Variants in BTBD16 observed in about 807,000 individuals in gnomAD.
The protein encoded by BTBD16 is BTB/POZ domain-containing protein 16.
In BTBD16, 66 loss-of-function variants were observed where a neutral mutation model predicts 67.4. The observed-to-expected ratio is 0.98, with a 90% CI of 0.80 to 1.20. BTBD16 has a LOEUF of 1.20. Among genes scored for constraint, BTBD16 ranks in the 50% most tolerant of loss-of-function variants. BTBD16 has a pLI of 0.00. For synonymous variants in BTBD16, 242 were observed against 236.4 expected, an observed-to-expected ratio of 1.02 and a Z score of -0.22; for missense variants, 634 against 616.0, an observed-to-expected ratio of 1.03 and a Z score of -0.31.
At chr10:122,309,987 G>C (rs1425748530) in intron 10 of BTBD16, among the ~76,000 whole-genome samples, 12 of 149,024 alleles carry the variant, frequency 8.1e-5, no homozygotes, top group Admixed American at 8.0e-4. Flanking sequence ...GGCCAGGCTG[G>C]TCTCAAACTC....
chr10:122,312,452 A>G (rs571999361), intron 10 of BTBD16, among the ~76,000 whole-genome samples: 1 of 151,636 alleles, frequency 6.6e-6, no homozygotes, highest in East Asian at 2.0e-4. Flanking sequence ...AGCTGGGACT[A>G]TAGGCATACG....
chr10:122,312,309 C>CTTTTT (rs58045019), intron 10 of BTBD16, among the ~76,000 whole-genome samples: 58 of 105,616 alleles, frequency 5.5e-4, no homozygotes, highest in Non-Finnish European at 9.0e-4. Context: ...TTTTCTTTTT[C>CTTTTT]TTTTTTTTTT....
At chr10:122,335,356 G>A (rs1403193097) in intron 14 of BTBD16, among the ~76,000 whole-genome samples, 1 of 152,224 alleles carries the variant, frequency 6.6e-6, no homozygotes, top group Non-Finnish European at 1.5e-5. Flanking sequence ...AACTGGGAGA[G>A]GGGGTAATTT....
Position 122,331,206 on chromosome 10 carries a change from A to C in BTBD16, c.1034A>C (p.Asn345Thr). The C allele has an allele frequency of 1.2e-6, 2 of 1,613,252 alleles. No individual in the cohort carries two copies. Among genetic ancestry groups the C allele is most frequent in the Non-Finnish European group, 1.7e-6 (2 of 1,179,676 alleles). The change falls in exon 12 of 16, where the codon AAC becomes ACC. Residue 345 changes from asparagine (N) to threonine (T), a missense_variant. Physicochemically the swap from Asn to Thr is moderately conservative, Grantham distance 65. Transcript: ENST00000260723. Reference protein sequence around the residue: ...GKDLEVLRHLNFFPESWLDQV... With the variant: ...GKDLEVLRHLTFFPESWLDQV... The stretch of plus-strand genomic sequence containing the variant: ...GATCTGGAGGTGCTGCGGCACCTTA[A>C]CTTCTTCCCAGAGTCATGGCTCGAC...
At chr10:122,326,697 G>C (rs1481271390) in intron 10 of BTBD16, among the ~76,000 whole-genome samples, 1 of 152,172 alleles carries the variant, frequency 6.6e-6, no homozygotes, top group Non-Finnish European at 1.5e-5. Context: ...TTTGTCCCCA[G>C]GGTCTGGCAA....
rs553124776 is a variant in BTBD16 at position 122,288,455 on chromosome 10, G to C, written c.386-1454G>C. On this transcript the variant is annotated intron_variant, in intron 5 of 15. Transcript: ENST00000260723. Reference sequence around the variant, plus strand: ...CTCTCTCTTTCTTTATAGTTGCACAGGATGATGGGCTTTTTGGCTCTGGCT... The same window carrying C: ...CTCTCTCTTTCTTTATAGTTGCACACGATGATGGGCTTTTTGGCTCTGGCT... Among the ~76,000 whole-genome samples, 16 of 152,318 alleles carry C rather than the reference G, an allele frequency of 1.1e-4. No homozygotes were observed. The East Asian group carries it at 3.1e-3, about 29-fold the overall frequency.
intron 15 of BTBD16, among the ~76,000 whole-genome samples, chr10:122,336,892 C>T (rs2096464168): frequency 6.6e-6 from 1 of 152,108 alleles, no homozygotes; most frequent in Admixed American, 6.5e-5. Context: ...GTAACTATAA[C>T]CCAAATCAGA....
In BTBD16 at chr10:122,326,466, G is replaced by C. The variant is rs75927029; in HGVS notation, c.912-3014G>C. ...CTTGCGCCTGGCTTACTGCTTCCAG[G>C]TTCATCATGCTGTAGCATATATGTA... On this transcript the variant is annotated intron_variant, in intron 10 of 15. Coordinates refer to ENST00000260723, the MANE Select transcript of BTBD16 (RefSeq NM_144587.5). Among the ~76,000 whole-genome samples the C allele has an allele frequency of 1.3e-4, 20 of 152,232 alleles. 1 individual carries two copies. The East Asian group carries it at 3.9e-3, about 29-fold the overall frequency.
In BTBD16 at chr10:122,336,596, G is replaced by A. The variant is rs976874636; in HGVS notation, c.1366G>A (p.Ala456Thr). 6.2e-7 allele frequency: 1 copy of A among 1,613,066 alleles called. No homozygotes were observed. The highest frequency in any genetic ancestry group is 1.1e-5 in the South Asian group (1 of 90,846). The change falls in exon 15 of 16, where the codon GCC becomes ACC. Residue 456 changes from alanine (A) to threonine (T), a missense_variant. Ala to Thr is a moderately conservative substitution (Grantham distance 58, BLOSUM62 0). Transcript: ENST00000260723. The stretch of plus-strand genomic sequence containing the variant: ...GGTGAAGTATGAGATCAGAGCAGAG[G>A]CCCTGGTTGACGGCAAGTGGCAGGA... ...RLVKYEIRAEALVDGKWQEFR... is the reference protein window; with the variant it reads ...RLVKYEIRAETLVDGKWQEFR...
chr10:122,333,286 A>G (rs1176743416), intron 13 of BTBD16, among the ~76,000 whole-genome samples: 1 of 152,124 alleles, frequency 6.6e-6, no homozygotes, highest in African/African-American at 2.4e-5. Flanking sequence ...ACTTCCTGCA[A>G]ATGCTATGAG....
Position 122,326,357 on chromosome 10 carries a change from C to T in BTBD16, c.912-3123C>T, listed in dbSNP as rs561192887. 2.5e-4 allele frequency among the ~76,000 whole-genome samples: 38 copies of T among 152,304 alleles called. No homozygotes were observed. In the South Asian group the frequency reaches 7.3e-3, roughly 29 times the overall value. On this transcript the variant is annotated intron_variant, in intron 10 of 15. Coordinates refer to ENST00000260723, the MANE Select transcript of BTBD16 (RefSeq NM_144587.5). The stretch of plus-strand genomic sequence containing the variant: ...CAACTCCCATTCCCCTTCCCCAGCC[C>T]CTGGCAGCCACCGTTCTACTTTCTG...
chr10:122,314,553 T>C lies in BTBD16; in HGVS notation c.911+7245T>C, dbSNP rs191308165. Among the ~76,000 whole-genome samples the C allele has an allele frequency of 5.2e-3, 798 of 152,288 alleles. 3 individuals are homozygous for C. Among genetic ancestry groups the C allele is most frequent in the Middle Eastern group, 0.02 (6 of 294 alleles). Reference sequence around the variant, plus strand: ...AATTTCTCTCAATAAAATTTAATAGTTTATTGTATGGAGGTCTTGCTCATC... The same window carrying C: ...AATTTCTCTCAATAAAATTTAATAGCTTATTGTATGGAGGTCTTGCTCATC... On this transcript the variant is annotated intron_variant, in intron 10 of 15. Transcript: ENST00000260723.
intron 10 of BTBD16, among the ~76,000 whole-genome samples, chr10:122,327,099 T>C (rs975651857): frequency 1.3e-5 from 2 of 152,182 alleles, no homozygotes; most frequent in Admixed American, 6.5e-5. Context: ...CTGAGTGGCC[T>C]GTGTAGGACA....
intron 10 of BTBD16, among the ~76,000 whole-genome samples, chr10:122,318,838 G>T (rs867604696): frequency 7.2e-5 from 11 of 152,086 alleles, no homozygotes; most frequent in Non-Finnish European, 1.5e-5. Flanking sequence ...CACCTGCCTC[G>T]GCCTCCCAAA....
chr10:122,286,571 G>A (rs1230969125), intron 5 of BTBD16, among the ~76,000 whole-genome samples: 1 of 152,122 alleles, frequency 6.6e-6, no homozygotes, highest in East Asian at 1.9e-4. Flanking sequence ...CCCAGACATA[G>A]AGACTCTACC....
At chr10:122,330,021 T>C (rs769187561) in intron 11 of BTBD16, among the ~76,000 whole-genome samples, 1 of 152,154 alleles carries the variant, frequency 6.6e-6, no homozygotes. Flanking sequence ...GGAGTATGTT[T>C]TCAGCAGTCC....
At chr10:122,322,723 T>A (rs1206214759) in intron 10 of BTBD16, among the ~76,000 whole-genome samples, 1 of 152,156 alleles carries the variant, frequency 6.6e-6, no homozygotes, top group Admixed American at 6.6e-5. Flanking sequence ...AACTCGTTTA[T>A]CAGGAGCTCA....
chr10:122,287,288 G>A, intron 5 of BTBD16: 1 of 313,238 alleles, frequency 3.2e-6, no homozygotes, highest in Non-Finnish European at 4.6e-6. Context: ...ACATTCATCA[G>A]GCCATCAGTG....
intron 13 of BTBD16, among the ~76,000 whole-genome samples, chr10:122,333,507 G>A (rs1441021774): frequency 6.6e-6 from 1 of 152,028 alleles, no homozygotes; most frequent in Non-Finnish European, 1.5e-5. Context: ...AGGAAAGGAG[G>A]GTCTAAACCC....
Sources: gnomAD v4.1 joint callset for allele counts (sites outside exome capture counted in the v4.1 genomes callset) on GRCh38, gnomAD v4.1.1 for gene constraint, MANE v1.5 for transcripts, NCBI Gene and HGNC (gene_info 2026-07-23, HGNC 2026-07-21) for gene names.